The following AKT3 variants were observed in gnomAD, a reference collection of about 807,000 sequenced individuals.
AKT3 encodes the protein RAC-gamma serine/threonine-protein kinase.
In AKT3, 15 loss-of-function variants were observed where a neutral mutation model predicts 65.3. The observed-to-expected ratio is 0.23, with a 90% CI of 0.15 to 0.35. AKT3 has a LOEUF of 0.35. AKT3 is among the 10% of genes least tolerant of loss of function. The pLI is 1.00. For synonymous variants in AKT3, 206 were observed against 183.8 expected (o/e 1.12, Z -0.98); for missense variants, 243 against 576.5 (o/e 0.42, Z 5.92).
intron 12 of AKT3, among the ~76,000 whole-genome samples, chr1:243,532,343 CT>C (rs1340336686): frequency 2.0e-5 from 3 of 151,848 alleles, no homozygotes; most frequent in Non-Finnish European, 4.4e-5. Flanking sequence ...CTATTCCTAG[CT>C]TTTTTTTCTT....
chr1:243,623,216 T>A (rs1678898843), intron 6 of AKT3, among the ~76,000 whole-genome samples: 1 of 152,180 alleles, frequency 6.6e-6, no homozygotes, highest in Admixed American at 6.5e-5. Flanking sequence ...AATCTGAGCA[T>A]CTCAGGGCAG....
At chr1:243,618,025 T>A (rs1210300781) in intron 6 of AKT3, among the ~76,000 whole-genome samples, 3 of 152,200 alleles carry the variant, frequency 2.0e-5, no homozygotes, top group African/African-American at 7.2e-5. Context: ...AAAGTATGTA[T>A]GAAATTTATT....
chr1:243,689,789 CA>C (rs1303230430), intron 3 of AKT3, among the ~76,000 whole-genome samples: 1 of 151,866 alleles, frequency 6.6e-6, no homozygotes. Context: ...CCTGTCTCTA[CA>C]AAAAACTGGC....
chr1:243,537,448 T>TA, intron 12 of AKT3, among the ~76,000 whole-genome samples: 1 of 152,296 alleles, frequency 6.6e-6, no homozygotes, highest in African/African-American at 2.4e-5. Flanking sequence ...TCTCCCAGTA[T>TA]TTTCCCCAGT....
intron 6 of AKT3, among the ~76,000 whole-genome samples, chr1:243,629,384 T>C (rs1679428961): frequency 1.3e-5 from 2 of 152,202 alleles, no homozygotes; most frequent in Admixed American, 1.3e-4. Context: ...AAGTAGGACA[T>C]GTTGATGGTC....
At chr1:243,817,330 A>T (rs1693590575) in intron 2 of AKT3, among the ~76,000 whole-genome samples, 1 of 152,250 alleles carries the variant, frequency 6.6e-6, no homozygotes, top group Non-Finnish European at 1.5e-5. Context: ...CAGCATTGGT[A>T]ACTGATGTAG....
At chr1:243,710,919 A>G (rs918380389) in intron 2 of AKT3, among the ~76,000 whole-genome samples, 4 of 152,224 alleles carry the variant, frequency 2.6e-5, no homozygotes, top group Admixed American at 6.5e-5. Flanking sequence ...TTTTAAAGAT[A>G]ATAACCCAAA....
rs568316606 is a variant in AKT3 at position 243,717,212 on chromosome 1, T to C, written c.47-21496A>G. 5.9e-5 allele frequency among the ~76,000 whole-genome samples: 9 copies of C among 152,340 alleles called. No individual in the cohort carries two copies. In the East Asian group the frequency reaches 1.7e-3, roughly 29 times the overall value. On this transcript the variant is annotated intron_variant, in intron 2 of 13. Coordinates refer to ENST00000673466, the MANE Select transcript of AKT3 (RefSeq NM_005465.7). The stretch of plus-strand genomic sequence containing the variant: ...TTAAAGAATGTGGTTTAGTGTTACT[T>C]TAGAAATGTTTAAGTAACTTCCATA...
chr1:243,541,782 T>C (rs760015922), intron 12 of AKT3, among the ~76,000 whole-genome samples: 3 of 152,214 alleles, frequency 2.0e-5, no homozygotes, highest in African/African-American at 4.8e-5. Flanking sequence ...GAAGATATGA[T>C]TGTCTGTGCA....
intron 3 of AKT3, among the ~76,000 whole-genome samples, chr1:243,690,094 A>G (rs452268): frequency 0.047 from 7,198 of 152,232 alleles, 586 homozygotes; most frequent in African/African-American, 0.16. Context: ...GGGTGGGACA[A>G]TATTTGCAGC....
chr1:243,646,009 C>T lies in AKT3; in HGVS notation c.313G>A (p.Val105Ile), dbSNP rs1300272660. ...REEWTEAIQA[V>I]ADRLQRQEEE... Reference sequence around the variant, plus strand: ...TCTTGCCTCTGCAGTCTGTCTGCTACAGCCTGGATAGCTTCTGTCCATTCT... The same window carrying T: ...TCTTGCCTCTGCAGTCTGTCTGCTATAGCCTGGATAGCTTCTGTCCATTCT... Residue 105 changes from valine to isoleucine, a missense_variant, in exon 5 of 14, where the codon GTA (valine) becomes ATA (isoleucine). By Grantham distance (29) the Val-to-Ile change is conservative (BLOSUM62 3). This residue lies in a region of AKT3 where 72 missense variants were observed against 86.0 expected (regional missense o/e 0.84). Coordinates refer to ENST00000673466, the MANE Select transcript of AKT3 (RefSeq NM_005465.7). 3 of 1,611,840 alleles carry T rather than the reference C, an allele frequency of 1.9e-6. No homozygotes were observed. Among genetic ancestry groups the T allele is most frequent in the Middle Eastern group, 1.7e-4 (1 of 6,050 alleles).
intron 13 of AKT3, among the ~76,000 whole-genome samples, chr1:243,505,580 A>G (rs1280908916): frequency 3.3e-5 from 5 of 152,238 alleles, no homozygotes; most frequent in African/African-American, 4.8e-5. Flanking sequence ...TCAAGACTCA[A>G]TGAAACAGTG....
intron 6 of AKT3, among the ~76,000 whole-genome samples, chr1:243,615,877 G>A (rs758243630): frequency 2.6e-5 from 4 of 151,938 alleles, no homozygotes; most frequent in Non-Finnish European, 4.4e-5. Flanking sequence ...GATTACAGAT[G>A]TGAGGCACCA....
intron 9 of AKT3, 36 bp downstream of exon 9, chr1:243,572,890 A>C (rs1674667879): frequency 6.3e-7 from 1 of 1,582,716 alleles, no homozygotes; most frequent in Non-Finnish European, 8.6e-7. Flanking sequence ...TAGTCTCTGC[A>C]AAAACAAATT....
At chr1:243,537,131 C>A (rs1357277843) in intron 12 of AKT3, among the ~76,000 whole-genome samples, 1 of 152,106 alleles carries the variant, frequency 6.6e-6, no homozygotes, top group East Asian at 1.9e-4. Context: ...ATACACCTTG[C>A]AAAAATGTGT....
At chr1:243,843,318 A>C (rs981566443) in intron 1 of AKT3, 36 bp from the exon 2 acceptor site, 1 of 1,385,524 alleles carries the variant, frequency 7.2e-7, no homozygotes, top group Non-Finnish European at 9.4e-7. Flanking sequence ...TTTTTTTTCC[A>C]TTCTTGCAAC....
chr1:243,834,700 A>G (rs1352782554), intron 2 of AKT3, among the ~76,000 whole-genome samples: 1 of 152,130 alleles, frequency 6.6e-6, no homozygotes, highest in African/African-American at 2.4e-5. Flanking sequence ...TTACCCATAT[A>G]ACATCTAACC....
chr1:243,850,659 G>A (rs921752167), upstream of AKT3, among the ~76,000 whole-genome samples: 36 of 151,684 alleles, frequency 2.4e-4, no homozygotes, highest in Non-Finnish European at 4.1e-4. Flanking sequence ...GCTGGCTCTC[G>A]GCGACTGGCG....
intron 2 of AKT3, among the ~76,000 whole-genome samples, chr1:243,731,141 C>T (rs1363534557): frequency 6.6e-6 from 1 of 152,176 alleles, no homozygotes; most frequent in Non-Finnish European, 1.5e-5. Flanking sequence ...CGTGACATTT[C>T]GATTATTTCT....
Sources: gnomAD v4.1 joint callset for allele counts (sites outside exome capture counted in the v4.1 genomes callset) on GRCh38, gnomAD v4.1.1 for gene constraint, gnomAD v4.1.1 regional missense constraint, MANE v1.5 for transcripts, NCBI Gene and HGNC (gene_info 2026-07-23, HGNC 2026-07-21) for gene names.